TTLL9: variants seen among roughly 807,000 people sequenced by gnomAD.
The protein encoded by TTLL9 is probable tubulin polyglutamylase TTLL9.
In TTLL9, 47 loss-of-function variants were observed where a neutral mutation model predicts 65.6. The observed-to-expected ratio is 0.72, with a 90% CI of 0.57 to 0.91. TTLL9 has a LOEUF of 0.91. Among genes scored for constraint, TTLL9 ranks in the 40% least tolerant of loss-of-function variants. The probability of loss-of-function intolerance (pLI) is 0.00; values close to 1 mark genes in which losing one functional copy is unlikely to be tolerated. For synonymous variants in TTLL9, 179 were observed against 204.8 expected (o/e 0.87, Z 1.07); for missense variants, 537 against 568.8 (o/e 0.94, Z 0.57).
Position 31,922,998 on chromosome 20 carries a change from T to G in TTLL9, c.609T>G (p.Ile203Met), listed in dbSNP as rs1326559026. Residue 203 changes from isoleucine (I) to methionine (M), a missense_variant, in exon 8 of 15, where the codon ATT (isoleucine) becomes ATG (methionine). Around this residue, in one of 3 missense-constraint regions of TTLL9, gnomAD observed 320 missense variants for 311.0 expected, o/e 1.03. Coordinates refer to ENST00000535842, the MANE Select transcript of TTLL9 (RefSeq NM_001008409.5). ...TRSSDDQKDD[I>M]PVENYVAQRY... ...GCTCTGACGACCAGAAAGATGATAT[T>G]CCCGTGGAGAACTATGTGGCTCAGC... The G allele has an allele frequency of 6.2e-7, 1 of 1,614,120 alleles. No individual in the cohort carries two copies.
At chr20:31,941,428 T>C (rs546264954) in intron 14 of TTLL9, among the ~76,000 whole-genome samples, 2 of 152,174 alleles carry the variant, frequency 1.3e-5, no homozygotes, top group South Asian at 4.1e-4. Context: ...TGGCTGCCCA[T>C]TGGAATCACC....
At chr20:31,915,608 C>T (rs1038830361) in intron 6 of TTLL9, among the ~76,000 whole-genome samples, 11 of 152,186 alleles carry the variant, frequency 7.2e-5, no homozygotes, top group African/African-American at 2.7e-4. Flanking sequence ...GGTATATGAG[C>T]CCCAGGTTTG....
Position 31,909,799 on chromosome 20 carries a change from G to A in TTLL9, c.381G>A (p.Glu127=). The change falls in exon 6 of 15, where the codon GAG becomes GAA. Residue 127 remains glutamate, a synonymous_variant. Coordinates refer to ENST00000535842, the MANE Select transcript of TTLL9 (RefSeq NM_001008409.5). ...GGTTCCGGAAGCAGCTGGAGCGTGA[G>A]GCAGGAAAGCTGGAGGCAGCCAAGT... ...LKRFRKQLER[E]AGKLEAAKCD... 6.2e-7 allele frequency: 1 copy of A among 1,614,212 alleles called. No homozygotes were observed. Among genetic ancestry groups the A allele is most frequent in the Non-Finnish European group, 8.5e-7 (1 of 1,180,044 alleles).
chr20:31,877,133 GT>G, intron 2 of TTLL9, among the ~76,000 whole-genome samples: 1 of 152,096 alleles, frequency 6.6e-6, no homozygotes, highest in East Asian at 1.9e-4. Context: ...TATATATGTT[GT>G]AAGTGTTTCC....
chr20:31,934,637 G>A (rs1030655164), intron 11 of TTLL9, 55 bp from the exon 12 acceptor site: 7 of 1,500,232 alleles, frequency 4.7e-6, no homozygotes, highest in Non-Finnish European at 6.3e-6. Flanking sequence ...GGTCCTAGCA[G>A]GCCAGGTCCT....
At chr20:31,897,584 C>T (rs964208004) in intron 3 of TTLL9, among the ~76,000 whole-genome samples, 3 of 152,184 alleles carry the variant, frequency 2.0e-5, no homozygotes, top group Non-Finnish European at 2.9e-5. Flanking sequence ...CACTTCATTA[C>T]GGCCAGACTG....
intron 9 of TTLL9, chr20:31,925,815 AG>A: frequency 6.8e-7 from 1 of 1,463,492 alleles, no homozygotes; most frequent in Non-Finnish European, 9.4e-7. Context: ...AGGCGGTGTG[AG>A]AGTGCCTGTA....
chr20:31,896,368 G>GT (rs2063389197), intron 3 of TTLL9, among the ~76,000 whole-genome samples: 1 of 152,282 alleles, frequency 6.6e-6, no homozygotes, highest in South Asian at 2.1e-4. Flanking sequence ...GTTAGCTCGA[G>GT]TTTTTTTAAG....
rs2064263651 is a variant in TTLL9, at chr20:31,943,677, C to T, written c.*656C>T. ...AGGGCATCCCCATTTCTCAGATGGACAAGACAGACCAGGGAGGCAGAGCTT... is the reference window on the plus strand; with the variant it reads ...AGGGCATCCCCATTTCTCAGATGGATAAGACAGACCAGGGAGGCAGAGCTT... On this transcript the variant is annotated 3_prime_UTR_variant, in exon 15 of 15. Transcript: ENST00000535842. 6 of 455,472 alleles carry T rather than the reference C, an allele frequency of 1.3e-5. No homozygotes were observed. The highest frequency in any genetic ancestry group is 7.8e-5 in the South Asian group (5 of 64,494). The allele number at this position is 455,472 out of a possible 1,614,324, so 28.2% of individuals were successfully genotyped here. A position where few individuals can be genotyped will look rare whatever the true frequency, so the allele number is the denominator to read the frequency against.
At chr20:31,925,852 C>G (rs1331053584) in intron 9 of TTLL9, 197 bp from the exon 10 acceptor site, 1 of 1,549,630 alleles carries the variant, frequency 6.5e-7, no homozygotes, top group Admixed American at 2.0e-5. Context: ...TTCTCTCTCT[C>G]TCTTCCCACC....
chr20:31,913,700 A>G (rs2063689906), intron 6 of TTLL9, among the ~76,000 whole-genome samples: 1 of 152,116 alleles, frequency 6.6e-6, no homozygotes, highest in Non-Finnish European at 1.5e-5. Context: ...CCCTCTTCCT[A>G]CCAGGCCAGA....
intron 3 of TTLL9, among the ~76,000 whole-genome samples, chr20:31,889,968 CTCTCTCTTTCTTTCTT>C (rs1387601260): frequency 5.5e-4 from 71 of 129,924 alleles, no homozygotes; most frequent in Middle Eastern, 0.01. Context: ...CAAGCCACAT[CTCTCTCTTTCTTTCTT>C]TCTTTCTTTC....
At chr20:31,932,155 ATGTTGAAACCCTGTC>A (rs1436644388) in intron 10 of TTLL9, among the ~76,000 whole-genome samples, 3 of 152,188 alleles carry the variant, frequency 2.0e-5, no homozygotes, top group African/African-American at 7.2e-5. Flanking sequence ...CCTGGGCAAC[ATGTTGAAACCCTGTC>A]TCTGCAAAAA....
At chr20:31,898,666 T>G (rs2063424193) in intron 4 of TTLL9, 101 bp downstream of exon 4, 1 of 911,890 alleles carries the variant, frequency 1.1e-6, no homozygotes, top group South Asian at 1.5e-5. Flanking sequence ...CACTGGGACT[T>G]GTCCCAAAGT....
In TTLL9 at chr20:31,898,582, A is replaced by C. The variant is rs779284445; in HGVS notation, c.206+17A>C. On this transcript the variant is annotated intron_variant, in intron 4 of 14. Transcript: ENST00000535842. ...AGTGAAGGAGTAAGACCCTCCCCCC[A>C]GCCTTGTCCCTCCTTCCCTTTGTCT... is the stretch of plus-strand genomic sequence containing the variant. 3 of 1,609,626 alleles carry C rather than the reference A, an allele frequency of 1.9e-6. No individual in the cohort carries two copies. The African/African-American group carries it at 4.0e-5, about 22-fold the overall frequency.
At chr20:31,873,684 G>A (rs201458484) in intron 2 of TTLL9, among the ~76,000 whole-genome samples, 25 of 100,578 alleles carry the variant, frequency 2.5e-4, no homozygotes, top group South Asian at 7.4e-4. Context: ...AAGAGAGAGA[G>A]AGAAAGAAAG....
chr20:31,873,760 GAAA>G (rs2062983955), intron 2 of TTLL9, among the ~76,000 whole-genome samples: 2 of 139,618 alleles, frequency 1.4e-5, no homozygotes, highest in African/African-American at 5.6e-5. Flanking sequence ...AAGAAAGAAA[GAAA>G]GAAAGAGAAA....
intron 12 of TTLL9, among the ~76,000 whole-genome samples, chr20:31,937,132 G>A (rs1291223339): frequency 6.6e-6 from 1 of 151,660 alleles, no homozygotes; most frequent in Non-Finnish European, 1.5e-5. Flanking sequence ...GAGGGGCCTG[G>A]GCACAGTGGC....
In TTLL9 at chr20:31,939,130, CT is replaced by C; in HGVS notation, c.1119-10del. ...CACCTTCATTAACCCTGTGGGCCTC[CT>C]TCCTGTCCAGGCTCACGGGAAGGGA... On this transcript the variant is annotated splice_polypyrimidine_tract_variant and intron_variant, in intron 13 of 14. Transcript: ENST00000535842. 1 of 1,564,126 alleles carries C rather than the reference CT, an allele frequency of 6.4e-7. No homozygotes were observed. The highest frequency in any genetic ancestry group is 8.7e-7 in the Non-Finnish European group (1 of 1,155,436).
Sources: gnomAD v4.1 joint callset for allele counts (sites outside exome capture counted in the v4.1 genomes callset) on GRCh38, gnomAD v4.1.1 for gene constraint, gnomAD v4.1.1 regional missense constraint, MANE v1.5 for transcripts, NCBI Gene and HGNC (gene_info 2026-07-23, HGNC 2026-07-21) for gene names.